FBXL16: variants seen among roughly 807,000 people sequenced by gnomAD.
FBXL16 encodes F-box and leucine rich repeat protein 16, also known as F-box/LRR-repeat protein 16.
Under a neutral mutation model 36.7 loss-of-function variants are expected in FBXL16, and 7 were observed. That is an observed-to-expected ratio of 0.19 (90% CI 0.11 to 0.36). FBXL16 has a LOEUF of 0.36. FBXL16 is among the 10% of genes least tolerant of loss of function. The probability of loss-of-function intolerance (pLI) is 1.00; values close to 1 mark genes in which losing one functional copy is unlikely to be tolerated. For missense variants in FBXL16, 463 were observed against 659.4 expected (o/e 0.70, Z 3.26); for synonymous variants, 355 against 308.7 (o/e 1.15, Z -1.57).
intron 1 of FBXL16, among the ~76,000 whole-genome samples, chr16:698,165 G>A (rs1055790368): frequency 4.0e-5 from 6 of 151,896 alleles, no homozygotes; most frequent in East Asian, 3.9e-4. Flanking sequence ...CACCACACCC[G>A]GCTAATTTTG....
At chr16:702,242 G>A (rs915103565) in intron 1 of FBXL16, among the ~76,000 whole-genome samples, 1 of 152,108 alleles carries the variant, frequency 6.6e-6, no homozygotes, top group African/African-American at 2.4e-5. Context: ...CTCCTCCCCT[G>A]CTCCTCTGCC....
intron 3 of FBXL16, 45 bp from the exon 4 acceptor site, chr16:695,121 C>A: frequency 6.4e-7 from 1 of 1,561,384 alleles, no homozygotes. Flanking sequence ...ATCACCTGGC[C>A]CCGGCCATCC....
At chr16:704,017 C>T (rs796371150) in intron 1 of FBXL16, among the ~76,000 whole-genome samples, 7 of 152,370 alleles carry the variant, frequency 4.6e-5, no homozygotes, top group African/African-American at 1.7e-4. Context: ...GCCGTTGACT[C>T]CTCCTGCACC....
At position 697,769 on chromosome 16, in the gene FBXL16, G is replaced by C. The variant is rs1369733118; in HGVS notation, c.-14-350C>G. Among the ~76,000 whole-genome samples the C allele has an allele frequency of 2.0e-5, 3 of 152,118 alleles. No homozygotes were observed. The highest frequency in any genetic ancestry group is 7.2e-5 in the African/African-American group (3 of 41,410). ...TAATCCCAGCACTTTGGGAGGCCGA[G>C]GCGGGTGGATCATGAGGTCAGGAGA... On this transcript the variant is annotated intron_variant, in intron 1 of 5. Transcript: ENST00000397621. The surrounding 1 kb of genome is among the most constrained non-coding windows in gnomAD (Gnocchi z 4.6).
At chr16:698,330 C>T (rs767220135) in intron 1 of FBXL16, among the ~76,000 whole-genome samples, 43 of 152,220 alleles carry the variant, frequency 2.8e-4, no homozygotes, top group African/African-American at 9.6e-4. Flanking sequence ...CCCAGTGAGG[C>T]GAAGAAACGC....
At position 694,764 on chromosome 16, in the gene FBXL16, C is replaced by A. The variant is rs1342920163; in HGVS notation, c.1228-67G>T. The A allele has an allele frequency of 7.3e-6, 11 of 1,504,242 alleles. No homozygotes were observed. The Admixed American group carries it at 7.8e-5, about 11-fold the overall frequency. 93.2% of individuals were successfully genotyped at this position (1,504,242 alleles called of 1,614,324 possible). On this transcript the variant is annotated intron_variant, in intron 4 of 5. Transcript: ENST00000397621. ...CCGAGGCGGAGGGCACCCTGGGGTC[C>A]ATGGAGGGCTAGGCGGGTTCAAGCC... is the stretch of plus-strand genomic sequence containing the variant.
At chr16:696,099 G>A (rs1294008729) in intron 2 of FBXL16, 176 bp from the exon 3 acceptor site, 6 of 898,818 alleles carry the variant, frequency 6.7e-6, no homozygotes, top group African/African-American at 1.7e-5. Context: ...TGCTGGGGGC[G>A]TTGGCACCAG....
At position 697,125 on chromosome 16, in the gene FBXL16, G is replaced by A. The variant is rs376084767; in HGVS notation, c.281C>T (p.Pro94Leu). 58 of 1,605,382 alleles carry A rather than the reference G, an allele frequency of 3.6e-5. No homozygotes were observed. Among genetic ancestry groups the A allele is most frequent in the African/African-American group, 9.4e-5 (7 of 74,710 alleles). Residue 94 changes from proline to leucine, a missense_variant, in exon 2 of 6, where the codon CCG becomes CTG. By Grantham distance (98) the Pro-to-Leu change is moderately conservative. Transcript: ENST00000397621. The surrounding 1 kb of genome is among the most constrained non-coding windows in gnomAD (Gnocchi z 4.6). ...LAPGHPAERPPLATDEKILNG... is the reference protein window; with the variant it reads ...LAPGHPAERPLLATDEKILNG... Reference sequence around the variant, plus strand: ...GAGGATCTTCTCGTCCGTGGCCAGCGGCGGCCGCTCCGCTGGGTGCCCAGG... The same window carrying A: ...GAGGATCTTCTCGTCCGTGGCCAGCAGCGGCCGCTCCGCTGGGTGCCCAGG...
chr16:695,531 G>A lies in FBXL16; in HGVS notation c.1026C>T (p.Ala342=), dbSNP rs1350007588. The change falls in exon 3 of 6, where the codon GCC becomes GCT. Residue 342 remains alanine, a synonymous_variant. Transcript: ENST00000397621. The stretch of plus-strand genomic sequence containing the variant: ...GGCTGCGCAGCTTGCGCAGGTTCTC[G>A]GCCACGAGCTCCACGCCGTCGTCGG... The part of the protein sequence containing the change: ...KVTDDGVELV[A]ENLRKLRSLD... 3 of 1,599,838 alleles carry A rather than the reference G, an allele frequency of 1.9e-6. No homozygotes were observed. Among genetic ancestry groups the A allele is most frequent in the South Asian group, 2.2e-5 (2 of 90,354 alleles).
chr16:700,006 G>A (rs901107137), intron 1 of FBXL16, among the ~76,000 whole-genome samples: 8 of 152,126 alleles, frequency 5.3e-5, no homozygotes, highest in African/African-American at 1.9e-4. Context: ...CCCAAGGCCC[G>A]CAGCCCATTC....
intron 1 of FBXL16, among the ~76,000 whole-genome samples, chr16:698,862 C>T (rs1176586503): frequency 1.5e-5 from 2 of 130,244 alleles, no homozygotes; most frequent in East Asian, 2.1e-4. Context: ...TGCAGCGAGC[C>T]GAGATCACAC....
intron 1 of FBXL16, among the ~76,000 whole-genome samples, chr16:703,777 G>C (rs991970475): frequency 6.6e-6 from 1 of 152,230 alleles, no homozygotes; most frequent in Non-Finnish European, 1.5e-5. Context: ...GCAGACTGAG[G>C]GCCCATGGTC....
chr16:698,049 T>A lies in FBXL16; in HGVS notation c.-14-630A>T, dbSNP rs141740197. On this transcript the variant is annotated intron_variant, in intron 1 of 5. Coordinates refer to ENST00000397621, the MANE Select transcript of FBXL16 (RefSeq NM_153350.4). ...CACTCTTGTTGCCTGGAGCGCAGAC[T>A]GGAGTGCAGAGACAGGATCTTGGCT... 1.3e-4 allele frequency among the ~76,000 whole-genome samples: 20 copies of A among 151,248 alleles called. 1 individual carries two copies. The East Asian group carries it at 3.9e-3, about 29-fold the overall frequency.
rs1567298849 is a variant in FBXL16, at chr16:697,889, A to G, written c.-14-470T>C. ...GTGGCAGGCGCCTGTAGTACCAGCT[A>G]CTTGGGAGGCTGCAGCAGGAGAATG... On this transcript the variant is annotated intron_variant, in intron 1 of 5. Coordinates refer to ENST00000397621, the MANE Select transcript of FBXL16 (RefSeq NM_153350.4). This position sits in a 1 kb window ranked among gnomAD's most constrained non-coding sequence, Gnocchi z 4.6. 6.6e-6 allele frequency among the ~76,000 whole-genome samples: 1 copy of G among 151,896 alleles called. No homozygotes were observed. The highest frequency in any genetic ancestry group is 2.4e-5 in the African/African-American group (1 of 41,356).
chr16:701,679 G>A (rs1021731561), intron 1 of FBXL16, among the ~76,000 whole-genome samples: 2 of 152,082 alleles, frequency 1.3e-5, no homozygotes, highest in African/African-American at 2.4e-5. Flanking sequence ...CCTGCTTGGC[G>A]ACTGTGAGAG....
chr16:701,714 G>A (rs535355426), intron 1 of FBXL16, among the ~76,000 whole-genome samples: 67 of 152,242 alleles, frequency 4.4e-4, no homozygotes, highest in African/African-American at 1.4e-3. Context: ...AGAGGGGCTC[G>A]GACGACCTGC....
chr16:701,661 C>T (rs541108091), intron 1 of FBXL16, among the ~76,000 whole-genome samples: 78 of 152,116 alleles, frequency 5.1e-4, no homozygotes, highest in Non-Finnish European at 8.4e-4. Flanking sequence ...GCTCACAGAG[C>T]CCCCTTTCCT....
chr16:698,053 G>C (rs2040028194), intron 1 of FBXL16, among the ~76,000 whole-genome samples: 2 of 151,898 alleles, frequency 1.3e-5, no homozygotes, highest in South Asian at 4.1e-4. Context: ...GCAGACTGGA[G>C]TGCAGAGACA....
At position 697,543 on chromosome 16, in the gene FBXL16, G is replaced by A. The variant is rs1478828473; in HGVS notation, c.-14-124C>T. The A allele has an allele frequency of 8.1e-7, 1 of 1,239,732 alleles. No homozygotes were observed. The highest frequency in any genetic ancestry group is 1.5e-5 in the African/African-American group (1 of 65,014). 76.8% of individuals were successfully genotyped at this position (1,239,732 alleles called of 1,614,324 possible). ...CCCTATGGTGCTCCCAGAACCACCA[G>A]ACAGAGAGGATGGGAGTGCCTGCTT... On this transcript the variant is annotated intron_variant, in intron 1 of 5. Transcript: ENST00000397621. This position sits in a 1 kb window ranked among gnomAD's most constrained non-coding sequence, Gnocchi z 4.6.
Sources: allele counts gnomAD v4.1 joint callset (sites outside exome capture counted in the v4.1 genomes callset), GRCh38; gene constraint gnomAD v4.1.1; non-coding constraint Gnocchi (gnomAD v3.1); transcripts MANE v1.5; gene names NCBI Gene and HGNC (gene_info 2026-07-23, HGNC 2026-07-21).